The following ZNF254 variants were observed in gnomAD, a reference collection of about 807,000 sequenced individuals.
ZNF254 encodes the protein CTD-2017D11.1.
ZNF254 carries 10 observed loss-of-function variants against 12.4 expected under a neutral mutation model. The ratio of observed to expected loss-of-function variants is 0.80; its 90% confidence interval spans 0.50 to 1.36. The LOEUF is 1.36. ZNF254 is among the 40% of genes most tolerant of loss of function. The pLI, the probability that ZNF254 is intolerant of heterozygous loss-of-function variation, is 0.00. For missense variants in ZNF254, 996 were observed against 763.9 expected, an observed-to-expected ratio of 1.30 and a Z score of -3.58; for synonymous variants, 305 against 253.4, an observed-to-expected ratio of 1.20 and a Z score of -1.93.
chr19:24,057,861 G>T (rs185817996), intron 2 of ZNF254, among the ~76,000 whole-genome samples: 5 of 152,302 alleles, frequency 3.3e-5, no homozygotes, highest in Admixed American at 3.3e-4. Flanking sequence ...CATACAGGAG[G>T]TGTTGACTCT....
upstream of ZNF254, among the ~76,000 whole-genome samples, chr19:24,086,133 G>A (rs1265538611): frequency 6.6e-6 from 1 of 151,826 alleles, no homozygotes; most frequent in East Asian, 2.0e-4. Flanking sequence ...CTTGAACCCA[G>A]GAGGCAGAGG....
At chr19:24,052,966 T>A (rs1364906237) in intron 2 of ZNF254, among the ~76,000 whole-genome samples, 1 of 152,110 alleles carries the variant, frequency 6.6e-6, no homozygotes, top group Non-Finnish European at 1.5e-5. Flanking sequence ...CTGTGTAAAG[T>A]CGTCAAGAGG....
At chr19:24,124,140 A>G (rs2145988196) in intron 3 of ZNF254, among the ~76,000 whole-genome samples, 1 of 152,012 alleles carries the variant, frequency 6.6e-6, no homozygotes, top group South Asian at 2.1e-4. Context: ...TATTTATACA[A>G]ATATTTTTGT....
chr19:24,035,375 C>G (rs1022087520), intron 1 of ZNF254, among the ~76,000 whole-genome samples: 1 of 152,136 alleles, frequency 6.6e-6, no homozygotes, highest in African/African-American at 2.4e-5. Flanking sequence ...GTTGGCCAGG[C>G]TGGTCCAAAA....
At chr19:24,116,697 G>A (rs923046343) in intron 3 of ZNF254, among the ~76,000 whole-genome samples, 56 of 152,218 alleles carry the variant, frequency 3.7e-4, no homozygotes, top group African/African-American at 1.3e-3. Context: ...CTCTCAACTC[G>A]TCAAAGTCAT....
At chr19:24,049,198 ATATATATATATATATAT>A (rs1285622019) in intron 2 of ZNF254, among the ~76,000 whole-genome samples, 3 of 61,208 alleles carry the variant, frequency 4.9e-5, no homozygotes, top group African/African-American at 2.4e-4. Flanking sequence ...ATATATATAT[ATATATATATATATATAT>A]TTTTTTTTTT....
chr19:24,069,997 G>A (rs567341294), intron 2 of ZNF254, among the ~76,000 whole-genome samples: 1 of 152,298 alleles, frequency 6.6e-6, no homozygotes, highest in East Asian at 1.9e-4. Context: ...CACTGGTGAG[G>A]TCCTGAATCT....
At chr19:24,058,161 C>T (rs980759284) in intron 2 of ZNF254, among the ~76,000 whole-genome samples, 2 of 152,152 alleles carry the variant, frequency 1.3e-5, no homozygotes, top group African/African-American at 2.4e-5. Context: ...GGGTTATGTA[C>T]AGGATTGTTA....
At chr19:24,094,600 A>G (rs1041092098) in intron 1 of ZNF254, among the ~76,000 whole-genome samples, 5 of 152,046 alleles carry the variant, frequency 3.3e-5, no homozygotes, top group African/African-American at 9.7e-5. Context: ...TACTCTGACA[A>G]GTACTTCCAA....
rs978230751 is a variant in ZNF254, at chr19:24,092,400, C to T, written c.30+5063C>T. Among the ~76,000 whole-genome samples, 16 of 151,786 alleles carry T rather than the reference C, an allele frequency of 1.1e-4. 1 individual carries two copies. The highest frequency in any genetic ancestry group is 1.5e-5 in the Non-Finnish European group (1 of 67,926). Reference sequence around the variant, plus strand: ...GGCCAGGCTGGTCTTGAACTCCTGACCTCAGGTGATCCACCCTCCCCCCCG... The same window carrying T: ...GGCCAGGCTGGTCTTGAACTCCTGATCTCAGGTGATCCACCCTCCCCCCCG... On this transcript the variant is annotated intron_variant, in intron 1 of 3. Transcript: ENST00000357002.
At chr19:24,096,569 T>C (rs1972685899) in intron 1 of ZNF254, among the ~76,000 whole-genome samples, 2 of 152,230 alleles carry the variant, frequency 1.3e-5, no homozygotes, top group Non-Finnish European at 2.9e-5. Flanking sequence ...AGGATTATTC[T>C]ATTTCTGATT....
intron 3 of ZNF254, among the ~76,000 whole-genome samples, chr19:24,112,674 T>C (rs1973762852): frequency 6.6e-6 from 1 of 152,102 alleles, no homozygotes; most frequent in South Asian, 2.1e-4. Flanking sequence ...ACATCCCTTG[T>C]AAGTTGGATT....
chr19:24,052,717 A>G (rs1188673346), intron 2 of ZNF254, among the ~76,000 whole-genome samples: 1 of 152,118 alleles, frequency 6.6e-6, no homozygotes, highest in African/African-American at 2.4e-5. Context: ...CTGCCCTTAG[A>G]GATGATTGTG....
intron 1 of ZNF254, among the ~76,000 whole-genome samples, chr19:24,092,207 G>T (rs1972431063): frequency 1.4e-5 from 2 of 144,166 alleles, no homozygotes; most frequent in South Asian, 2.2e-4. Flanking sequence ...TGATGTTGTT[G>T]CCCTGAGTGG....
rs540828737 is a variant in ZNF254 at position 24,121,561 on chromosome 19, T to A, written c.254-4693T>A. Among the ~76,000 whole-genome samples, 36 of 152,260 alleles carry A rather than the reference T, an allele frequency of 2.4e-4. 1 individual carries two copies. Among genetic ancestry groups the A allele is most frequent in the Middle Eastern group, 3.4e-3 (1 of 294 alleles). On this transcript the variant is annotated intron_variant, in intron 3 of 3. Coordinates refer to ENST00000357002, the MANE Select transcript of ZNF254 (RefSeq NM_203282.4). The stretch of plus-strand genomic sequence containing the variant: ...TTGCCTGTATAAATGTTATCTTTTT[T>A]AAATTTTTTTTTTGAGACAGAGTTT...
intron 3 of ZNF254, among the ~76,000 whole-genome samples, chr19:24,118,652 G>A (rs1414957516): frequency 6.6e-6 from 1 of 151,824 alleles, no homozygotes; most frequent in Non-Finnish European, 1.5e-5. Flanking sequence ...TTTTCTAGGA[G>A]GCCTTATCCC....
rs1212003346 is a variant in ZNF254 at position 24,122,397 on chromosome 19, G to A, written c.254-3857G>A. 2.0e-5 allele frequency among the ~76,000 whole-genome samples: 3 copies of A among 151,882 alleles called. No individual in the cohort carries two copies. In the East Asian group the frequency reaches 5.8e-4, roughly 29 times the overall value. ...CCGCCATCATGCCTGGCTAATTTTT[G>A]TATTTTTATTAGAGATGGGGTTTCA... is the stretch of plus-strand genomic sequence containing the variant. On this transcript the variant is annotated intron_variant, in intron 3 of 3. Coordinates refer to ENST00000357002, the MANE Select transcript of ZNF254 (RefSeq NM_203282.4).
At chr19:24,076,626 T>C (rs1234148988) in intron 2 of ZNF254, among the ~76,000 whole-genome samples, 2 of 152,170 alleles carry the variant, frequency 1.3e-5, no homozygotes, top group East Asian at 3.8e-4. Flanking sequence ...AGATCCATTG[T>C]AAAATTATGA....
chr19:24,066,199 A>C, intron 2 of ZNF254: 1 of 152,154 alleles, frequency 6.6e-6, no homozygotes, highest in East Asian at 1.9e-4. Flanking sequence ...AAGTTGTGGC[A>C]TATTGCTGTG....
Sources: gnomAD v4.1 joint callset for allele counts (sites outside exome capture counted in the v4.1 genomes callset) on GRCh38, gnomAD v4.1.1 for gene constraint, MANE v1.5 for transcripts, NCBI Gene and HGNC (gene_info 2026-07-23, HGNC 2026-07-21) for gene names.